Variants in NCDN observed in about 807,000 individuals in gnomAD.
The protein encoded by NCDN is norbin.
NCDN carries 9 observed loss-of-function variants against 60.7 expected under a neutral mutation model. The observed-to-expected ratio is 0.15, with a 90% CI of 0.09 to 0.26. NCDN has a LOEUF of 0.26. Among genes scored for constraint, NCDN ranks in the 10% least tolerant of loss-of-function variants. The pLI is 1.00. For synonymous variants in NCDN, 409 were observed against 442.5 expected (o/e 0.92, Z 0.95); for missense variants, 578 against 975.2 (o/e 0.59, Z 5.42).
rs1648787116 is a variant in NCDN at position 35,563,893 on chromosome 1, C to T, written c.1737C>T (p.Leu579=). 1 of 1,613,818 alleles carries T rather than the reference C, an allele frequency of 6.2e-7. No homozygotes were observed. The highest frequency in any genetic ancestry group is 1.7e-5 in the Admixed American group (1 of 59,988). ...CCCTGGGGCTCCTCATGGCCCGGCT[C>T]CTTAGCACCTCTCCAGGTAAGAACT... The part of the protein sequence containing the change: ...VATLGLLMAR[L]LSTSPALQGT... The change falls in exon 6 of 7, where the codon CTC becomes CTT. Residue 579 remains leucine (L), a synonymous_variant. Coordinates refer to ENST00000373243, the MANE Select transcript of NCDN (RefSeq NM_014284.3). The surrounding 1 kb of genome is among the most constrained non-coding windows in gnomAD (Gnocchi z 6.6).
Position 35,565,366 on chromosome 1 carries a change from C to A in NCDN, c.1893C>A (p.Ala631=), listed in dbSNP as rs747129212. The A allele has an allele frequency of 1.9e-5, 30 of 1,613,606 alleles. No homozygotes were observed. Among genetic ancestry groups the A allele is most frequent in the Non-Finnish European group, 2.5e-5 (30 of 1,179,646 alleles). ...CCCCTGAGTATGAGGGCATCTGGGC[C>A]GACCTGCAGGAGCTCTGGTTCCTGG... is the stretch of plus-strand genomic sequence containing the variant. ...ALSPEYEGIW[A]DLQELWFLGM... Residue 631 remains alanine, a synonymous_variant, in exon 7 of 7, where the codon GCC becomes GCA. Transcript: ENST00000373243. The surrounding 1 kb of genome is among the most constrained non-coding windows in gnomAD (Gnocchi z 8.9).
At position 35,560,357 on chromosome 1, in the gene NCDN, A is replaced by G; in HGVS notation, c.206A>G (p.Asp69Gly). The change falls in exon 3 of 7, where the codon GAT (aspartate) becomes GGT (glycine). Residue 69 changes from aspartate (D) to glycine (G), a missense_variant. Transcript: ENST00000373243. This position sits in a 1 kb window ranked among gnomAD's most constrained non-coding sequence, Gnocchi z 7.6. ...VTKAVKAGDI[D>G]AKTRRRIFDA... ...AAGGCAGTCAAAGCAGGTGACATAG[A>G]TGCCAAAACTCGGCGGCGGATCTTC... 2 of 1,613,918 alleles carry G rather than the reference A, an allele frequency of 1.2e-6. No individual in the cohort carries two copies. The highest frequency in any genetic ancestry group is 1.7e-6 in the Non-Finnish European group (2 of 1,180,036).
chr1:35,563,359 G>A lies in NCDN; in HGVS notation c.1543G>A (p.Glu515Lys), dbSNP rs149457796. Reference sequence around the variant, plus strand: ...CACCTCGGTGCTGCCTGACAGCGTGGAGATTGGCCTGCAGACCTGCTGCCA... The same window carrying A: ...CACCTCGGTGCTGCCTGACAGCGTGAAGATTGGCCTGCAGACCTGCTGCCA... ...HDTSVLPDSV[E>K]IGLQTCCHIF... Residue 515 changes from glutamate to lysine, a missense_variant, in exon 5 of 7, where the codon GAG becomes AAG. This residue lies in a region of NCDN where 191 missense variants were observed against 372.1 expected (regional missense o/e 0.51). Transcript: ENST00000373243. This position sits in a 1 kb window ranked among gnomAD's most constrained non-coding sequence, Gnocchi z 6.6. 1.2e-6 allele frequency: 2 copies of A among 1,614,090 alleles called. No individual in the cohort carries two copies. The highest frequency in any genetic ancestry group is 1.7e-6 in the Non-Finnish European group (2 of 1,180,050).
Position 35,559,199 on chromosome 1 carries a change from C to T in NCDN, c.126C>T (p.Ala42=). 2 of 1,614,160 alleles carry T rather than the reference C, an allele frequency of 1.2e-6. No individual in the cohort carries two copies. Among genetic ancestry groups the T allele is most frequent in the Non-Finnish European group, 1.7e-6 (2 of 1,180,030 alleles). ...CCACCCTGGAGCGCTACCTGGGAGC[C>T]CTCCGTGAGGCCAAGAATGACAGCG... The part of the protein sequence containing the change: ...RNPTLERYLG[A]LREAKNDSEQ... The change falls in exon 2 of 7, where the codon GCC becomes GCT. Residue 42 remains alanine, a synonymous_variant. Transcript: ENST00000373243.
chr1:35,565,752 C>G lies in NCDN; in HGVS notation c.*89C>G, dbSNP rs541917030. On this transcript the variant is annotated 3_prime_UTR_variant, in exon 7 of 7. Transcript: ENST00000373243. This position sits in a 1 kb window ranked among gnomAD's most constrained non-coding sequence, Gnocchi z 8.9. ...CCTGAAGCCCCCAATCTGGCCCCCC[C>G]CTCCCCAGACTTCCTCCCCAAAACA... 1.0e-5 allele frequency: 14 copies of G among 1,347,880 alleles called. No individual in the cohort carries two copies. The highest frequency in any genetic ancestry group is 5.1e-5 in the East Asian group (2 of 39,194). 83.5% of individuals were successfully genotyped at this position (1,347,880 alleles called of 1,614,324 possible). A position where few individuals can be genotyped will look rare whatever the true frequency, so the allele number is the denominator to read the frequency against.
At position 35,561,609 on chromosome 1, in the gene NCDN, C is replaced by T. The variant is rs1648710354; in HGVS notation, c.1143+315C>T. ...CACACTACACGCCACACACCTCTCC[C>T]CAACACATGCACACAAGATTGAAGC... On this transcript the variant is annotated intron_variant, in intron 3 of 6. Coordinates refer to ENST00000373243, the MANE Select transcript of NCDN (RefSeq NM_014284.3). This position sits in a 1 kb window ranked among gnomAD's most constrained non-coding sequence, Gnocchi z 4.9. Among the ~76,000 whole-genome samples, 1 of 152,148 alleles carries T rather than the reference C, an allele frequency of 6.6e-6. No individual in the cohort carries two copies. Among genetic ancestry groups the T allele is most frequent in the Admixed American group, 6.5e-5 (1 of 15,278 alleles).
At chr1:35,564,161 A>G (rs561451909) in intron 6 of NCDN, among the ~76,000 whole-genome samples, 1 of 152,330 alleles carries the variant, frequency 6.6e-6, no homozygotes, top group African/African-American at 2.4e-5. Flanking sequence ...AGGCACAGGC[A>G]TAGGCACCTG....
At position 35,561,461 on chromosome 1, in the gene NCDN, T is replaced by C. The variant is rs986352861; in HGVS notation, c.1143+167T>C. 1.5e-4 allele frequency among the ~76,000 whole-genome samples: 22 copies of C among 151,674 alleles called. No individual in the cohort carries two copies. Among genetic ancestry groups the C allele is most frequent in the African/African-American group, 5.1e-4 (21 of 41,240 alleles). On this transcript the variant is annotated intron_variant, in intron 3 of 6. Coordinates refer to ENST00000373243, the MANE Select transcript of NCDN (RefSeq NM_014284.3). This position sits in a 1 kb window ranked among gnomAD's most constrained non-coding sequence, Gnocchi z 4.9. Reference sequence around the variant, plus strand: ...AGTAGTGTGCGGCCCAACCTCCCTCTCTCTCCCTCCCTCCACACAAGCACC... The same window carrying C: ...AGTAGTGTGCGGCCCAACCTCCCTCCCTCTCCCTCCCTCCACACAAGCACC...
rs1196504362 is a variant in NCDN at position 35,563,938 on chromosome 1, G to C, written c.1753+29G>C. ...AGAACTGGGGATCCAGTCCTGATGG[G>C]TGAGGACAGAAGACCTGGGTGGACC... On this transcript the variant is annotated intron_variant, in intron 6 of 6. Transcript: ENST00000373243. This position sits in a 1 kb window ranked among gnomAD's most constrained non-coding sequence, Gnocchi z 6.6. 6 of 1,600,940 alleles carry C rather than the reference G, an allele frequency of 3.7e-6. No individual in the cohort carries two copies. The highest frequency in any genetic ancestry group is 5.1e-6 in the Non-Finnish European group (6 of 1,174,012).
At position 35,565,862 on chromosome 1, in the gene NCDN, C is replaced by CA; in HGVS notation, c.*200dup. On this transcript the variant is annotated 3_prime_UTR_variant, in exon 7 of 7. Coordinates refer to ENST00000373243, the MANE Select transcript of NCDN (RefSeq NM_014284.3). The surrounding 1 kb of genome is among the most constrained non-coding windows in gnomAD (Gnocchi z 8.9). ...AACTGCGTTCCGCCCCTCAGGCCCC[C>CA]ATGGGGGCAGGGATCGGCTTGGAAA... The CA allele has an allele frequency of 1.6e-6, 1 of 616,848 alleles. No individual in the cohort carries two copies. The highest frequency in any genetic ancestry group is 2.7e-6 in the Non-Finnish European group (1 of 363,902). 38.2% of individuals were successfully genotyped at this position (616,848 alleles called of 1,614,324 possible).
chr1:35,565,684 A>G lies in NCDN; in HGVS notation c.*21A>G. The G allele has an allele frequency of 3.3e-6, 5 of 1,527,368 alleles. No homozygotes were observed. Among genetic ancestry groups the G allele is most frequent in the Non-Finnish European group, 4.4e-6 (5 of 1,140,782 alleles). 94.6% of individuals were successfully genotyped at this position (1,527,368 alleles called of 1,614,324 possible). A position where few individuals can be genotyped will look rare whatever the true frequency, so the allele number is the denominator to read the frequency against. On this transcript the variant is annotated 3_prime_UTR_variant, in exon 7 of 7. Coordinates refer to ENST00000373243, the MANE Select transcript of NCDN (RefSeq NM_014284.3). This position sits in a 1 kb window ranked among gnomAD's most constrained non-coding sequence, Gnocchi z 8.9. ...CCTGAGGGGTGTCCACCGGGGACAG[A>G]CCCAGGGGCGGGCAGAGAGGGAAGG...
At position 35,566,629 on chromosome 1, in the gene NCDN, CCACACACACA is replaced by C. The variant is rs56974171; in HGVS notation, c.*1008_*1017del. On this transcript the variant is annotated 3_prime_UTR_variant, in exon 7 of 7. Coordinates refer to ENST00000373243, the MANE Select transcript of NCDN (RefSeq NM_014284.3). The surrounding 1 kb of genome is among the most constrained non-coding windows in gnomAD (Gnocchi z 5.3). ...TACCTTTCTTATAAACCCAGGGGGA[CCACACACACA>C]CACACACACACACACACACACACAC... is the stretch of plus-strand genomic sequence containing the variant. 0.016 allele frequency: 4,427 copies of C among 270,150 alleles called. 57 individuals carry two copies. The highest frequency in any genetic ancestry group is 0.056 in the East Asian group (533 of 9,582). The allele number at this position is 270,150 out of a possible 1,614,324, so 16.7% of individuals were successfully genotyped here.
Position 35,566,642 on chromosome 1 carries a change from C to CAT in NCDN, c.*980_*981insTA. ...AACCCAGGGGGACCACACACACACA[C>CAT]ACACACACACACACACACACACACA... On this transcript the variant is annotated 3_prime_UTR_variant, in exon 7 of 7. Coordinates refer to ENST00000373243, the MANE Select transcript of NCDN (RefSeq NM_014284.3). The surrounding 1 kb of genome is among the most constrained non-coding windows in gnomAD (Gnocchi z 5.3). 1 of 374,064 alleles carries CAT rather than the reference C, an allele frequency of 2.7e-6. No homozygotes were observed. The highest frequency in any genetic ancestry group is 2.0e-5 in the South Asian group (1 of 50,304). 23.2% of individuals were successfully genotyped at this position (374,064 alleles called of 1,614,324 possible).
rs1401975894 is a variant in NCDN, at chr1:35,560,501, A to T, written c.350A>T (p.Asp117Val). 3.7e-6 allele frequency: 6 copies of T among 1,613,788 alleles called. No homozygotes were observed. Among genetic ancestry groups the T allele is most frequent in the Non-Finnish European group, 5.1e-6 (6 of 1,179,990 alleles). ...GCCCTGCTGGCCTGCTTCTGCAGTG[A>T]CCCTGAACTGGCCGCCCATCCCCAA... ...GVALLACFCS[D>V]PELAAHPQVL... Residue 117 changes from aspartate to valine, a missense_variant, in exon 3 of 7, where the codon GAC becomes GTC. Coordinates refer to ENST00000373243, the MANE Select transcript of NCDN (RefSeq NM_014284.3). This position sits in a 1 kb window ranked among gnomAD's most constrained non-coding sequence, Gnocchi z 7.6.
At position 35,565,709 on chromosome 1, in the gene NCDN, G is replaced by A; in HGVS notation, c.*46G>A. ...ACCCAGGGGCGGGCAGAGAGGGAAG[G>A]AGGGAGGAGGCATCTTCCCTGAAGC... is the stretch of plus-strand genomic sequence containing the variant. On this transcript the variant is annotated 3_prime_UTR_variant, in exon 7 of 7. Transcript: ENST00000373243. The surrounding 1 kb of genome is among the most constrained non-coding windows in gnomAD (Gnocchi z 8.9). 6.7e-7 allele frequency: 1 copy of A among 1,492,128 alleles called. No individual in the cohort carries two copies. The highest frequency in any genetic ancestry group is 8.9e-7 in the Non-Finnish European group (1 of 1,119,326). The allele number at this position is 1,492,128 out of a possible 1,614,324, so 92.4% of individuals were successfully genotyped here.
rs1648688199 is a variant in NCDN, at chr1:35,561,075, C to T, written c.924C>T (p.Ala308=). The change falls in exon 3 of 7, where the codon GCC becomes GCT. Residue 308 remains alanine (A), a synonymous_variant. Coordinates refer to ENST00000373243, the MANE Select transcript of NCDN (RefSeq NM_014284.3). The surrounding 1 kb of genome is among the most constrained non-coding windows in gnomAD (Gnocchi z 4.9). ...PAGSSGSKFL[A]LLVNLACVEV... is the part of the protein sequence containing the mutation. ...GCAGCTCCGGGAGCAAGTTCCTGGC[C>T]CTGCTGGTGAATCTGGCGTGCGTGG... 6.2e-7 allele frequency: 1 copy of T among 1,613,458 alleles called. No homozygotes were observed. Among genetic ancestry groups the T allele is most frequent in the South Asian group, 1.1e-5 (1 of 91,060 alleles).
Position 35,561,017 on chromosome 1 carries a change from C to T in NCDN, c.866C>T (p.Ala289Val), listed in dbSNP as rs1295217652. ...GCACTGAAGCTGGCAGCCCGCCTGG[C>T]ACACGCCTGCGGCTCCGACTGGATC... ...NPALKLAARL[A>V]HACGSDWIPA... The change falls in exon 3 of 7, where the codon GCA (alanine) becomes GTA (valine). Residue 289 changes from alanine to valine, a missense_variant. By Grantham distance (64) the Ala-to-Val change is moderately conservative (BLOSUM62 0). Around this residue, in one of 3 missense-constraint regions of NCDN, gnomAD observed 363 missense variants for 583.6 expected, o/e 0.62. Transcript: ENST00000373243. This position sits in a 1 kb window ranked among gnomAD's most constrained non-coding sequence, Gnocchi z 4.9. The T allele has an allele frequency of 3.7e-6, 6 of 1,612,702 alleles. No individual in the cohort carries two copies. Among genetic ancestry groups the T allele is most frequent in the Non-Finnish European group, 3.4e-6 (4 of 1,179,350 alleles).
In NCDN at chr1:35,562,625, C is replaced by T. The variant is rs146734510; in HGVS notation, c.1377C>T (p.Asp459=). The part of the protein sequence containing the change: ...PTTPGPTWPG[D]ALRLLLPGWC... ...CCCCAGGGCCCACCTGGCCAGGAGA[C>T]GCTCTCCGGTGAGTCTGTAGTTACA... Residue 459 remains aspartate (D), a synonymous_variant, in exon 4 of 7, where the codon GAC becomes GAT. Coordinates refer to ENST00000373243, the MANE Select transcript of NCDN (RefSeq NM_014284.3). The surrounding 1 kb of genome is among the most constrained non-coding windows in gnomAD (Gnocchi z 6.8). The T allele has an allele frequency of 7.4e-6, 12 of 1,612,768 alleles. No individual in the cohort carries two copies. Among genetic ancestry groups the T allele is most frequent in the African/African-American group, 2.7e-5 (2 of 74,920 alleles).
Position 35,559,374 on chromosome 1 carries a change from C to T in NCDN, c.174+127C>T. ...AACCCTGGAGGCACCAACGAAGGCC[C>T]AAGACCCCTACCTTTGTGCTCTTTT... On this transcript the variant is annotated intron_variant, in intron 2 of 6. Transcript: ENST00000373243. 3 of 1,215,180 alleles carry T rather than the reference C, an allele frequency of 2.5e-6. No individual in the cohort carries two copies. The South Asian group carries it at 4.2e-5, about 17-fold the overall frequency. 75.3% of individuals were successfully genotyped at this position (1,215,180 alleles called of 1,614,324 possible).
Sources: allele counts gnomAD v4.1 joint callset (sites outside exome capture counted in the v4.1 genomes callset), GRCh38; gene constraint gnomAD v4.1.1; regional missense constraint gnomAD v4.1.1; non-coding constraint Gnocchi (gnomAD v3.1); transcripts MANE v1.5; gene names NCBI Gene and HGNC (gene_info 2026-07-23, HGNC 2026-07-21).